The following PTPRD variants were observed in gnomAD, a reference collection of about 807,000 sequenced individuals.
PTPRD encodes the protein receptor-type tyrosine-protein phosphatase delta.
PTPRD carries 34 observed loss-of-function variants against 214.5 expected under a neutral mutation model. That is an observed-to-expected ratio of 0.16 (90% CI 0.12 to 0.21). The LOEUF (loss-of-function observed/expected upper bound fraction) is 0.21. Ranked by LOEUF, PTPRD falls within the 10% of genes least tolerant of loss-of-function variation. The pLI is 1.00. For missense variants in PTPRD, 2,545 were observed against 2,398.7 expected (o/e 1.06, Z -1.27); for synonymous variants, 1,128 against 845.7 (o/e 1.33, Z -5.79).
chr9:10,082,284 T>A lies in PTPRD; in HGVS notation c.-544-48494A>T, dbSNP rs535582723. Among the ~76,000 whole-genome samples, 3 of 152,240 alleles carry A rather than the reference T, an allele frequency of 2.0e-5. No homozygotes were observed. The South Asian group carries it at 6.2e-4, about 32-fold the overall frequency. On this transcript the variant is annotated intron_variant, in intron 3 of 45. Coordinates refer to ENST00000381196, the MANE Select transcript of PTPRD (RefSeq NM_002839.4). ...AGGTTTAGAATTATCTCTCATCACC[T>A]TTTTCACACTTATCAAATGAATTGA...
intron 2 of PTPRD, among the ~76,000 whole-genome samples, chr9:10,470,677 T>A (rs57682531): frequency 2.6e-5 from 4 of 151,986 alleles, no homozygotes; most frequent in African/African-American, 7.3e-5. Flanking sequence ...TAATAATAGC[T>A]CCCTTCTCCC....
At chr9:8,578,567 C>A (rs1377484365) in intron 14 of PTPRD, among the ~76,000 whole-genome samples, 1 of 152,140 alleles carries the variant, frequency 6.6e-6, no homozygotes, top group Non-Finnish European at 1.5e-5. Flanking sequence ...TAAGAGAGTG[C>A]AGAGGCTTGG....
intron 9 of PTPRD, among the ~76,000 whole-genome samples, chr9:9,393,896 T>C (rs1211996305): frequency 6.6e-6 from 1 of 152,132 alleles, no homozygotes; most frequent in Non-Finnish European, 1.5e-5. Flanking sequence ...TTATCACAAA[T>C]ATCATAACTA....
At chr9:8,993,174 A>T (rs114521361) in intron 11 of PTPRD, among the ~76,000 whole-genome samples, 8,180 of 152,188 alleles carry the variant, frequency 0.054, 427 homozygotes, top group East Asian at 0.2. Flanking sequence ...GGTATGGAGT[A>T]GGGGCCATTC....
intron 3 of PTPRD, among the ~76,000 whole-genome samples, chr9:10,061,873 G>A (rs2097782611): frequency 6.6e-6 from 1 of 151,948 alleles, no homozygotes; most frequent in African/African-American, 2.4e-5. Flanking sequence ...CTCTGGACCT[G>A]CAGCTTTATT....
intron 5 of PTPRD, among the ~76,000 whole-genome samples, chr9:9,849,191 G>A (rs1438125348): frequency 1.3e-5 from 2 of 151,962 alleles, no homozygotes; most frequent in Non-Finnish European, 2.9e-5. Flanking sequence ...TTGGTTCCCT[G>A]GGCTACTCAC....
intron 3 of PTPRD, among the ~76,000 whole-genome samples, chr9:10,042,309 A>G (rs1567267424): frequency 6.6e-6 from 1 of 151,964 alleles, no homozygotes; most frequent in East Asian, 1.9e-4. Flanking sequence ...AGGCATGCGG[A>G]GATAGAAGAC....
At chr9:8,361,012 T>C (rs1421614350) in intron 39 of PTPRD, among the ~76,000 whole-genome samples, 1 of 152,254 alleles carries the variant, frequency 6.6e-6, no homozygotes, top group Non-Finnish European at 1.5e-5. Context: ...TTTTCATTCT[T>C]ATGTTCAAAC....
intron 33 of PTPRD, among the ~76,000 whole-genome samples, chr9:8,456,821 A>G (rs2096222763): frequency 1.9e-5 from 1 of 51,788 alleles, no homozygotes; most frequent in Non-Finnish European, 4.2e-5. Context: ...CCTGAAGTGC[A>G]TCTCAGACTT....
At chr9:8,722,950 A>T (rs942948138) in intron 12 of PTPRD, among the ~76,000 whole-genome samples, 1 of 152,220 alleles carries the variant, frequency 6.6e-6, no homozygotes, top group South Asian at 2.1e-4. Context: ...TTATAACTTG[A>T]TCAGGAGGTT....
chr9:9,637,921 G>T (rs1410129730), intron 7 of PTPRD, among the ~76,000 whole-genome samples: 1 of 152,134 alleles, frequency 6.6e-6, no homozygotes, highest in Non-Finnish European at 1.5e-5. Context: ...TATACTCTGT[G>T]AGCCTACAGA....
intron 9 of PTPRD, among the ~76,000 whole-genome samples, chr9:9,215,056 T>A (rs2099951276): frequency 6.6e-6 from 1 of 152,198 alleles, no homozygotes; most frequent in Non-Finnish European, 1.5e-5. Flanking sequence ...TTTGGCCTAC[T>A]TTCTTGGAAC....
At chr9:10,087,038 A>G (rs2098352160) in intron 3 of PTPRD, among the ~76,000 whole-genome samples, 1 of 151,796 alleles carries the variant, frequency 6.6e-6, no homozygotes, top group East Asian at 1.9e-4. Flanking sequence ...CTAATCTGCT[A>G]TAAGCCTTTT....
At chr9:9,960,910 AT>A (rs1422788447) in intron 4 of PTPRD, among the ~76,000 whole-genome samples, 2 of 152,148 alleles carry the variant, frequency 1.3e-5, no homozygotes, top group Non-Finnish European at 2.9e-5. Flanking sequence ...CAATCTACTC[AT>A]CTGACAAAGG....
rs548902165 is a variant in PTPRD at position 8,330,443 on chromosome 9, T to G, written c.5534+1139A>C. Among the ~76,000 whole-genome samples the G allele has an allele frequency of 1.7e-4, 26 of 152,286 alleles. No individual in the cohort carries two copies. The Middle Eastern group carries it at 0.01, about 60-fold the overall frequency. On this transcript the variant is annotated intron_variant, in intron 44 of 45. Coordinates refer to ENST00000381196, the MANE Select transcript of PTPRD (RefSeq NM_002839.4). ...AAACCAAAAAGTATGTGTGACTCCC[T>G]TTATTGTGGTAATCTGGAACTAAAC...
rs551084759 is a variant in PTPRD at position 8,922,553 on chromosome 9, G to A, written c.-104+96144C>T. Among the ~76,000 whole-genome samples, 23 of 152,310 alleles carry A rather than the reference G, an allele frequency of 1.5e-4. No individual in the cohort carries two copies. In the South Asian group the frequency reaches 4.1e-3, roughly 27 times the overall value. ...TTTATTGTCTTTGCCATCCAACTGC[G>A]TAGGAACTGATTCAGAGGCCTAATA... On this transcript the variant is annotated intron_variant, in intron 11 of 45. Transcript: ENST00000381196.
chr9:10,469,424 A>G (rs1185440258), intron 2 of PTPRD, among the ~76,000 whole-genome samples: 1 of 152,212 alleles, frequency 6.6e-6, no homozygotes, highest in East Asian at 1.9e-4. Flanking sequence ...AAATCCTTGC[A>G]TTATTAGATG....
chr9:10,086,301 G>A (rs1294530656), intron 3 of PTPRD, among the ~76,000 whole-genome samples: 1 of 151,704 alleles, frequency 6.6e-6, no homozygotes, highest in Admixed American at 6.6e-5. Context: ...GTACTATGCT[G>A]TCTGGGAGTC....
intron 2 of PTPRD, among the ~76,000 whole-genome samples, chr9:10,495,974 T>C (rs1158325872): frequency 6.6e-6 from 1 of 151,848 alleles, no homozygotes; most frequent in Non-Finnish European, 1.5e-5. Context: ...ATGTGTTTCA[T>C]AACATCAATG....
Sources: allele counts gnomAD v4.1 joint callset (sites outside exome capture counted in the v4.1 genomes callset), GRCh38; gene constraint gnomAD v4.1.1; transcripts MANE v1.5; gene names NCBI Gene and HGNC (gene_info 2026-07-23, HGNC 2026-07-21).